The following SPOCK1 variants were observed in gnomAD, a reference collection of about 807,000 sequenced individuals.
SPOCK1 encodes the protein testican-1.
In SPOCK1, 23 loss-of-function variants were observed where a neutral mutation model predicts 55.3. The ratio of observed to expected loss-of-function variants is 0.42; its 90% CI spans 0.30 to 0.59. The LOEUF is 0.59. SPOCK1 is among the 20% of genes least tolerant of loss of function. SPOCK1 has a pLI of 0.22. For missense variants in SPOCK1, 499 were observed against 552.5 expected (o/e 0.90, Z 0.97); for synonymous variants, 226 against 221.0 (o/e 1.02, Z -0.20).
intron 2 of SPOCK1, among the ~76,000 whole-genome samples, chr5:137,289,301 A>G (rs535698877): frequency 6.6e-6 from 1 of 152,310 alleles, no homozygotes; most frequent in East Asian, 1.9e-4. Flanking sequence ...TGCTCATCAT[A>G]TAACTATTTT....
intron 6 of SPOCK1, among the ~76,000 whole-genome samples, chr5:137,005,189 G>A (rs899141287): frequency 2.6e-5 from 4 of 152,178 alleles, no homozygotes; most frequent in Non-Finnish European, 4.4e-5. Context: ...GAGGCCATCT[G>A]TCACTGGTAA....
intron 2 of SPOCK1, among the ~76,000 whole-genome samples, chr5:137,327,181 C>T (rs997431962): frequency 6.6e-6 from 1 of 152,162 alleles, no homozygotes; most frequent in Non-Finnish European, 1.5e-5. Context: ...CAAATGGGAA[C>T]AGCAGGAGTG....
At chr5:137,088,664 AGGT>A (rs1753002744) in intron 5 of SPOCK1, among the ~76,000 whole-genome samples, 2 of 152,166 alleles carry the variant, frequency 1.3e-5, no homozygotes, top group Admixed American at 6.5e-5. Flanking sequence ...TACACAAAAA[AGGT>A]AGTAAGGTCA....
chr5:137,250,673 G>A (rs1561484303), intron 3 of SPOCK1, among the ~76,000 whole-genome samples: 1 of 152,122 alleles, frequency 6.6e-6, no homozygotes, highest in Admixed American at 6.5e-5. Flanking sequence ...AGGACACACG[G>A]ATGGCTTCAG....
intron 5 of SPOCK1, among the ~76,000 whole-genome samples, chr5:137,100,440 C>T (rs564215265): frequency 2.7e-4 from 41 of 152,292 alleles, no homozygotes; most frequent in South Asian, 1.2e-3. Flanking sequence ...TAGAAGACAA[C>T]GTGCATGATG....
At chr5:137,171,427 T>G (rs921836567) in intron 3 of SPOCK1, among the ~76,000 whole-genome samples, 1 of 152,144 alleles carries the variant, frequency 6.6e-6, no homozygotes, top group Non-Finnish European at 1.5e-5. Context: ...TTGCTGAGTT[T>G]AACTGAGAAG....
intron 2 of SPOCK1, among the ~76,000 whole-genome samples, chr5:137,310,976 C>T (rs1757780794): frequency 6.6e-6 from 1 of 152,170 alleles, no homozygotes; most frequent in African/African-American, 2.4e-5. Context: ...CACAGGCACC[C>T]TCTGTGAGGG....
Position 137,112,460 on chromosome 5 carries a change from G to A in SPOCK1, c.449C>T (p.Ser150Leu). 6.2e-7 allele frequency: 1 copy of A among 1,613,886 alleles called. No individual in the cohort carries two copies. Among genetic ancestry groups the A allele is most frequent in the East Asian group, 2.2e-5 (1 of 44,872 alleles). ...PVAQSAMVCG[S>L]DGHSYTSKCK... ...CTTGGATGTGTAGGAGTGGCCATCT[G>A]AGCCGCAGACCATGGCTGACTGTGC... Residue 150 changes from serine to leucine, a missense_variant, in exon 5 of 11, where the codon TCA (serine) becomes TTA (leucine). Physicochemically the swap from Ser to Leu is moderately radical, Grantham distance 145 (BLOSUM62 -2). This residue lies in a region of SPOCK1 where 386 missense variants were observed against 400.6 expected (regional missense o/e 0.96). Transcript: ENST00000394945.
chr5:137,363,187 G>A (rs1223028555), intron 2 of SPOCK1, among the ~76,000 whole-genome samples: 1 of 152,294 alleles, frequency 6.6e-6, no homozygotes, highest in East Asian at 1.9e-4. Flanking sequence ...CATCTGCCCT[G>A]TAAGTACCTA....
In SPOCK1 at chr5:137,465,596, A is replaced by G. The variant is rs527598961; in HGVS notation, c.186+32777T>C. Among the ~76,000 whole-genome samples the G allele has an allele frequency of 1.7e-3, 264 of 152,182 alleles. 1 individual carries two copies. The highest frequency in any genetic ancestry group is 6.0e-3 in the African/African-American group (248 of 41,532). ...AATACAAAGTCTGATCTGAAGCAAC[A>G]TTTCAAATAGTCACACACTCAAGAC... On this transcript the variant is annotated intron_variant, in intron 2 of 10. Transcript: ENST00000394945.
At chr5:137,267,350 T>C (rs1022863845) in intron 2 of SPOCK1, among the ~76,000 whole-genome samples, 1 of 152,188 alleles carries the variant, frequency 6.6e-6, no homozygotes, top group Non-Finnish European at 1.5e-5. Flanking sequence ...ACCTTCTAGG[T>C]GCAAGGTGTA....
chr5:137,452,422 A>G (rs1429764407), intron 2 of SPOCK1, among the ~76,000 whole-genome samples: 1 of 152,226 alleles, frequency 6.6e-6, no homozygotes, highest in Non-Finnish European at 1.5e-5. Flanking sequence ...TGAATCCCAA[A>G]TTATTTAGTT....
At chr5:137,044,786 C>A (rs1175566145) in intron 6 of SPOCK1, among the ~76,000 whole-genome samples, 1 of 129,966 alleles carries the variant, frequency 7.7e-6, no homozygotes, top group Non-Finnish European at 1.6e-5. Context: ...AATGCTATCC[C>A]TCCCCCCTCC....
intron 5 of SPOCK1, among the ~76,000 whole-genome samples, chr5:137,089,923 G>A (rs902488444): frequency 3.9e-5 from 6 of 152,228 alleles, no homozygotes; most frequent in Admixed American, 1.3e-4. Context: ...AAATACACCA[G>A]GAGATGAGCC....
At chr5:137,000,312 T>C (rs1253983065) in intron 6 of SPOCK1, among the ~76,000 whole-genome samples, 1 of 152,128 alleles carries the variant, frequency 6.6e-6, no homozygotes, top group East Asian at 1.9e-4. Flanking sequence ...AGCTGAGCCT[T>C]CCTTAGAGCA....
chr5:137,423,434 A>G (rs1752543838), intron 2 of SPOCK1, among the ~76,000 whole-genome samples: 1 of 152,222 alleles, frequency 6.6e-6, no homozygotes, highest in Non-Finnish European at 1.5e-5. Context: ...GGCTCCACCC[A>G]GTTCGAGCTT....
intron 6 of SPOCK1, among the ~76,000 whole-genome samples, chr5:137,017,183 G>A (rs529252308): frequency 6.6e-6 from 1 of 152,358 alleles, no homozygotes; most frequent in Non-Finnish European, 1.5e-5. Context: ...AGCCACAGGA[G>A]GCAGCACATG....
At position 137,388,395 on chromosome 5, in the gene SPOCK1, T is replaced by C. The variant is rs1751641002; in HGVS notation, c.186+109978A>G. On this transcript the variant is annotated intron_variant, in intron 2 of 10. Transcript: ENST00000394945. Reference sequence around the variant, plus strand: ...GATGGCATCTCCAGGGTAAGGGGTATGTGGCGGGAGGGAGGGGGGGAAATG... The same window carrying C: ...GATGGCATCTCCAGGGTAAGGGGTACGTGGCGGGAGGGAGGGGGGGAAATG... 2.2e-5 allele frequency among the ~76,000 whole-genome samples: 3 copies of C among 138,228 alleles called. No homozygotes were observed. The Admixed American group carries it at 2.2e-4, about 10-fold the overall frequency. The allele number at this position is 138,228 out of a possible 152,430, so 90.7% of individuals were successfully genotyped here.
At chr5:137,309,889 G>T (rs1194663336) in intron 2 of SPOCK1, among the ~76,000 whole-genome samples, 6 of 152,070 alleles carry the variant, frequency 3.9e-5, no homozygotes, top group African/African-American at 1.2e-4. Context: ...TTCCAAGAGG[G>T]TCTGACATAT....
Sources: allele counts gnomAD v4.1 joint callset (sites outside exome capture counted in the v4.1 genomes callset), GRCh38; gene constraint gnomAD v4.1.1; regional missense constraint gnomAD v4.1.1; transcripts MANE v1.5; gene names NCBI Gene and HGNC (gene_info 2026-07-23, HGNC 2026-07-21).